Variants in RHOA observed in about 807,000 individuals in gnomAD.
The protein encoded by RHOA is ras homolog family member A, also known as transforming protein RhoA.
Under a neutral mutation model 17.5 loss-of-function variants are expected in RHOA, and 3 were observed. The ratio of observed to expected loss-of-function variants is 0.17; its 90% confidence interval spans 0.08 to 0.44. The LOEUF is 0.44. RHOA is among the 20% of genes least tolerant of loss of function. The pLI is 0.99. For synonymous variants in RHOA, 98 were observed against 88.4 expected, an observed-to-expected ratio of 1.11 and a Z score of -0.61; for missense variants, 56 against 242.3, an observed-to-expected ratio of 0.23 and a Z score of 5.10.
intron 1 of RHOA, among the ~76,000 whole-genome samples, chr3:49,376,010 A>C (rs896280022): frequency 1.9e-4 from 29 of 151,804 alleles, no homozygotes; most frequent in African/African-American, 7.0e-4. Flanking sequence ...CACCACATCC[A>C]GCTAATTTTT....
chr3:49,378,095 G>A (rs774449135), intron 1 of RHOA, among the ~76,000 whole-genome samples: 18 of 144,832 alleles, frequency 1.2e-4, no homozygotes, highest in Admixed American at 1.2e-3. Context: ...GTTGCAGTGA[G>A]CCCAGATTGT....
chr3:49,387,571 G>A (rs34071734), intron 1 of RHOA, among the ~76,000 whole-genome samples: 6,746 of 149,458 alleles, frequency 0.045, 221 homozygotes, highest in Non-Finnish European at 0.061. Flanking sequence ...GTGAAACCCC[G>A]TCTCTACTAA....
intron 2 of RHOA, among the ~76,000 whole-genome samples, chr3:49,372,913 G>A (rs2048168840): frequency 6.6e-6 from 1 of 152,104 alleles, no homozygotes; most frequent in African/African-American, 2.4e-5. Context: ...GGAGCTTACT[G>A]ATGGTCAAAC....
At chr3:49,362,818 C>G (rs1352726307) in intron 3 of RHOA, among the ~76,000 whole-genome samples, 192 bp from the exon 4 acceptor site, 1 of 152,160 alleles carries the variant, frequency 6.6e-6, no homozygotes, top group Non-Finnish European at 1.5e-5. Flanking sequence ...GAACCAACAG[C>G]TTTTTCTCAG....
chr3:49,401,747 GA>G (rs1185872343), intron 1 of RHOA, among the ~76,000 whole-genome samples: 1 of 152,120 alleles, frequency 6.6e-6, no homozygotes, highest in Admixed American at 6.6e-5. Context: ...AAGTGTTTCA[GA>G]TTTCAGAATT....
chr3:49,389,301 C>T (rs1470114818), intron 1 of RHOA, among the ~76,000 whole-genome samples: 2 of 151,196 alleles, frequency 1.3e-5, no homozygotes, highest in Non-Finnish European at 2.9e-5. Context: ...GGCGACAAAG[C>T]GAGACTCCAT....
In RHOA at chr3:49,401,136, A is replaced by T. The variant is rs146666310; in HGVS notation, c.-3+10684T>A. ...CTAATATTAGACACTAGGGCCTTCA[A>T]ATTTACTTCCTCTAAGTTACTACCC... On this transcript the variant is annotated intron_variant, in intron 1 of 4. Coordinates refer to ENST00000418115, the MANE Select transcript of RHOA (RefSeq NM_001664.4). Among the ~76,000 whole-genome samples, 755 of 151,980 alleles carry T rather than the reference A, an allele frequency of 5.0e-3. 5 individuals carry two copies. Among genetic ancestry groups the T allele is most frequent in the African/African-American group, 0.017 (723 of 41,470 alleles).
chr3:49,367,072 G>C (rs2048067531), intron 3 of RHOA: 1 of 152,100 alleles, frequency 6.6e-6, no homozygotes, highest in Non-Finnish European at 1.5e-5. Flanking sequence ...GCCAGGCGCA[G>C]TGGCTCACGC....
chr3:49,371,097 C>T (rs536002306), intron 2 of RHOA, among the ~76,000 whole-genome samples: 34 of 152,190 alleles, frequency 2.2e-4, no homozygotes, highest in African/African-American at 7.9e-4. Flanking sequence ...CCCACTCTCC[C>T]GGCCCCCTCC....
chr3:49,363,363 T>C (rs1475559033), intron 3 of RHOA, among the ~76,000 whole-genome samples: 1 of 151,998 alleles, frequency 6.6e-6, no homozygotes, highest in East Asian at 1.9e-4. Context: ...GAGCTTGCCA[T>C]GAGCTGAGAT....
chr3:49,396,268 T>C, intron 1 of RHOA, among the ~76,000 whole-genome samples: 1 of 151,920 alleles, frequency 6.6e-6, no homozygotes, highest in East Asian at 1.9e-4. Context: ...TGGTGGAAAA[T>C]GTTCTTTCAA....
chr3:49,410,806 C>A (rs2048920572), intron 1 of RHOA, among the ~76,000 whole-genome samples: 1 of 152,254 alleles, frequency 6.6e-6, no homozygotes, highest in East Asian at 1.9e-4. Flanking sequence ...TACTTACACA[C>A]CTGCAAGAAA....
intron 1 of RHOA, among the ~76,000 whole-genome samples, chr3:49,404,955 TAAA>T (rs1222233890): frequency 1.1e-5 from 1 of 94,726 alleles, no homozygotes; most frequent in African/African-American, 4.2e-5. Context: ...AAAAAAATAA[TAAA>T]AAAAGTAGGC....
At chr3:49,362,962 AC>A (rs887869493) in intron 3 of RHOA, among the ~76,000 whole-genome samples, 1 of 152,190 alleles carries the variant, frequency 6.6e-6, no homozygotes, top group African/African-American at 2.4e-5. Context: ...ACTTTACAGG[AC>A]ATCTGTCACT....
In RHOA at chr3:49,359,830, G is replaced by C; in HGVS notation, c.*379C>G. On this transcript the variant is annotated 3_prime_UTR_variant, in exon 5 of 5. Coordinates refer to ENST00000418115, the MANE Select transcript of RHOA (RefSeq NM_001664.4). ...AAAGCCCTGAAGTGGTGACTCACCA[G>C]AGTACCTTGCAGCTGACAGATAATA... 1 of 251,236 alleles carries C rather than the reference G, an allele frequency of 4.0e-6. No homozygotes were observed. Among genetic ancestry groups the C allele is most frequent in the African/African-American group, 2.2e-5 (1 of 45,704 alleles). The allele number at this position is 251,236 out of a possible 1,614,324, so 15.6% of individuals were successfully genotyped here.
chr3:49,409,660 A>G (rs918884479), intron 1 of RHOA, among the ~76,000 whole-genome samples: 1 of 152,174 alleles, frequency 6.6e-6, no homozygotes, highest in African/African-American at 2.4e-5. Context: ...CACCCCATGG[A>G]CAAGAAACAC....
intron 1 of RHOA, among the ~76,000 whole-genome samples, chr3:49,405,365 A>C (rs2048815314): frequency 6.6e-6 from 1 of 151,768 alleles, no homozygotes; most frequent in South Asian, 2.1e-4. Flanking sequence ...CAGGAGGTGG[A>C]GGTTGCAGTG....
At chr3:49,403,475 G>A (rs1440650423) in intron 1 of RHOA, among the ~76,000 whole-genome samples, 2 of 152,116 alleles carry the variant, frequency 1.3e-5, no homozygotes, top group Non-Finnish European at 2.9e-5. Flanking sequence ...AGGGCTTTGT[G>A]AGGTTGAGAC....
At chr3:49,399,567 T>C (rs965282213) in intron 1 of RHOA, among the ~76,000 whole-genome samples, 4 of 150,278 alleles carry the variant, frequency 2.7e-5, no homozygotes, top group Non-Finnish European at 4.4e-5. Context: ...TCTAGAATAG[T>C]ACACAGGAGC....
Sources: gnomAD v4.1 joint callset for allele counts (sites outside exome capture counted in the v4.1 genomes callset) on GRCh38, gnomAD v4.1.1 for gene constraint, MANE v1.5 for transcripts, NCBI Gene and HGNC (gene_info 2026-07-23, HGNC 2026-07-21) for gene names.